GNAL: variants seen among roughly 807,000 people sequenced by gnomAD.
GNAL encodes guanine nucleotide-binding protein G(olf) subunit alpha.
GNAL carries 18 observed loss-of-function variants against 55.1 expected under a neutral mutation model. The observed-to-expected ratio is 0.33, with a 90% CI of 0.23 to 0.48. The LOEUF (loss-of-function observed/expected upper bound fraction) is 0.48, where lower values mean the gene tolerates loss of function less well. GNAL is among the 20% of genes least tolerant of loss of function. GNAL has a pLI of 0.99. For missense variants in GNAL, 412 were observed against 614.1 expected (o/e 0.67, Z 3.48); for synonymous variants, 253 against 237.0 (o/e 1.07, Z -0.62).
Position 11,823,083 on chromosome 18 carries a change from G to A in GNAL, c.625-1835G>A, listed in dbSNP as rs1312551220. ...GCAACTGGAAGACCCATCACCATGA[G>A]GCAGCGATGTCACTCTCTTCATGGC... On this transcript the variant is annotated intron_variant, in intron 4 of 11. Transcript: ENST00000334049. Among the ~76,000 whole-genome samples, 48 of 152,142 alleles carry A rather than the reference G, an allele frequency of 3.2e-4. 1 individual carries two copies. The highest frequency in any genetic ancestry group is 2.9e-3 in the Admixed American group (45 of 15,272).
rs749198189 is a variant in GNAL at position 11,705,750 on chromosome 18, CTT to C, written c.376+15831_376+15832del. Among the ~76,000 whole-genome samples the C allele has an allele frequency of 2.3e-3, 275 of 118,328 alleles. 1 individual carries two copies. Among genetic ancestry groups the C allele is most frequent in the African/African-American group, 7.9e-3 (251 of 31,894 alleles). The allele number at this position is 118,328 out of a possible 152,430, so 77.6% of individuals were successfully genotyped here. On this transcript the variant is annotated intron_variant, in intron 1 of 11. Transcript: ENST00000334049. ...ATATACCTGCTGGACATTTCTATGT[CTT>C]TTTTTTTTTTTTTTTTTTTCTGAGA...
Position 11,883,574 on chromosome 18 carries a change from A to T in GNAL, c.*2439A>T, listed in dbSNP as rs145375780. On this transcript the variant is annotated 3_prime_UTR_variant, in exon 12 of 12. Coordinates refer to ENST00000334049, the MANE Select transcript of GNAL (RefSeq NM_182978.4). ...TTTGATCACTGACAGGCATTAACAG[A>T]TGTAGCAACGTGGTCTCCTATAGAG... 3.7e-3 allele frequency: 565 copies of T among 153,766 alleles called. 3 individuals are homozygous for T. The highest frequency in any genetic ancestry group is 5.4e-3 in the Non-Finnish European group (366 of 68,032). 9.5% of individuals were successfully genotyped at this position (153,766 alleles called of 1,614,324 possible). A position where few individuals can be genotyped will look rare whatever the true frequency, so the allele number is the denominator to read the frequency against.
chr18:11,797,468 G>A (rs1454188512), intron 4 of GNAL, among the ~76,000 whole-genome samples: 1 of 152,110 alleles, frequency 6.6e-6, no homozygotes, highest in Non-Finnish European at 1.5e-5. Flanking sequence ...TCCACCAGGC[G>A]TGATGGCTCA....
chr18:11,717,269 C>T (rs1319021686), intron 1 of GNAL, among the ~76,000 whole-genome samples: 1 of 152,198 alleles, frequency 6.6e-6, no homozygotes, highest in Non-Finnish European at 1.5e-5. Context: ...CCCGGCACCT[C>T]TCCCTCCCCG....
At chr18:11,786,880 C>T (rs776810799) in intron 4 of GNAL, among the ~76,000 whole-genome samples, 20 of 152,062 alleles carry the variant, frequency 1.3e-4, no homozygotes, top group Non-Finnish European at 2.5e-4. Context: ...GTCTGCTTTA[C>T]CCCAGCCCTG....
intron 4 of GNAL, among the ~76,000 whole-genome samples, chr18:11,786,967 T>C (rs2034080226): frequency 1.3e-5 from 2 of 152,016 alleles, no homozygotes; most frequent in Admixed American, 6.6e-5. Flanking sequence ...TTTAAAATAA[T>C]CTCTGGCTGG....
At position 11,799,905 on chromosome 18, in the gene GNAL, C is replaced by T. The variant is rs535591568; in HGVS notation, c.625-25013C>T. Among the ~76,000 whole-genome samples the T allele has an allele frequency of 1.6e-4, 24 of 152,138 alleles. 1 individual carries two copies. The South Asian group carries it at 1.7e-3, about 11-fold the overall frequency. ...TGAGGCCTTCTCTCTCCCTCTCTCT[C>T]GCCCCTCACTCTTCACTGTCTTTCC... On this transcript the variant is annotated intron_variant, in intron 4 of 11. Coordinates refer to ENST00000334049, the MANE Select transcript of GNAL (RefSeq NM_182978.4).
At chr18:11,708,398 G>A (rs973762000) in intron 1 of GNAL, among the ~76,000 whole-genome samples, 2 of 152,132 alleles carry the variant, frequency 1.3e-5, no homozygotes, top group Non-Finnish European at 2.9e-5. Flanking sequence ...ACCATTTATC[G>A]ATTGAGTTTG....
Position 11,751,159 on chromosome 18 carries a change from A to C in GNAL, c.377-1694A>C, listed in dbSNP as rs1406476074. 6.6e-6 allele frequency among the ~76,000 whole-genome samples: 1 copy of C among 152,102 alleles called. No individual in the cohort carries two copies. Among genetic ancestry groups the C allele is most frequent in the African/African-American group, 2.4e-5 (1 of 41,412 alleles). The stretch of plus-strand genomic sequence containing the variant: ...GGTCAACTGGGAGCCGCCACACACA[A>C]GGAACAGTGATTTCTCCACGCCCAC... On this transcript the variant is annotated intron_variant, in intron 1 of 11. Transcript: ENST00000334049. This position sits in a 1 kb window ranked among gnomAD's most constrained non-coding sequence, Gnocchi z 4.5.
intron 1 of GNAL, among the ~76,000 whole-genome samples, chr18:11,701,704 GCACCCA>G (rs758892911): frequency 8.5e-5 from 13 of 152,088 alleles, no homozygotes; most frequent in Non-Finnish European, 1.9e-4. Context: ...GAACCCAGAA[GCACCCA>G]CAGCTCCCAG....
chr18:11,694,240 C>T (rs1374326179), intron 1 of GNAL, among the ~76,000 whole-genome samples: 1 of 152,092 alleles, frequency 6.6e-6, no homozygotes, highest in Non-Finnish European at 1.5e-5. Context: ...CCATAGTCCT[C>T]TAGTGGAAAT....
chr18:11,733,910 T>G (rs1456383572), intron 1 of GNAL, among the ~76,000 whole-genome samples: 1 of 150,316 alleles, frequency 6.7e-6, no homozygotes, highest in African/African-American at 2.4e-5. Flanking sequence ...CCAGAACTTG[T>G]GTGTGCGTGT....
At chr18:11,789,491 A>G (rs2034168783) in intron 4 of GNAL, among the ~76,000 whole-genome samples, 1 of 152,208 alleles carries the variant, frequency 6.6e-6, no homozygotes, top group African/African-American at 2.4e-5. Context: ...TTCTTAGCTC[A>G]TTTGGGTAAC....
intron 5 of GNAL, chr18:11,857,774 C>T: frequency 1.0e-6 from 1 of 978,684 alleles, no homozygotes; most frequent in Non-Finnish European, 1.2e-6. Context: ...CTGCCTGGTA[C>T]TTTGTCACCA....
Position 11,868,765 on chromosome 18 carries a change from C to A in GNAL, c.1031+102C>A. 2.2e-6 allele frequency: 2 copies of A among 918,496 alleles called. No individual in the cohort carries two copies. Among genetic ancestry groups the A allele is most frequent in the Non-Finnish European group, 3.3e-6 (2 of 612,122 alleles). 56.9% of individuals were successfully genotyped at this position (918,496 alleles called of 1,614,324 possible). A position where few individuals can be genotyped will look rare whatever the true frequency, so the allele number is the denominator to read the frequency against. ...TTGTGGCTCACACCTGTAATCTCAA[C>A]ACTGGGAGGCCGAGGCAGGTGTGTC... On this transcript the variant is annotated intron_variant, in intron 9 of 11. Transcript: ENST00000334049. This position sits in a 1 kb window ranked among gnomAD's most constrained non-coding sequence, Gnocchi z 4.0.
chr18:11,788,911 A>T (rs1598459248), intron 4 of GNAL, among the ~76,000 whole-genome samples: 1 of 105,604 alleles, frequency 9.5e-6, no homozygotes, highest in Non-Finnish European at 1.9e-5. Context: ...AAAAAAAAAA[A>T]AAAATATATA....
Position 11,876,647 on chromosome 18 carries a change from A to G in GNAL, c.1189A>G (p.Lys397Glu). 6.2e-7 allele frequency: 1 copy of G among 1,609,252 alleles called. No individual in the cohort carries two copies. The highest frequency in any genetic ancestry group is 8.5e-7 in the Non-Finnish European group (1 of 1,175,522). ...DATPDAGEDPKVTRAKFFIRD... is the reference protein window; with the variant it reads ...DATPDAGEDPEVTRAKFFIRD... ...AACACCAGATGCAGGAGAAGATCCC[A>G]AAGTTACAAGAGCCAAGTTCTTTAT... The change falls in exon 11 of 12, where the codon AAA (lysine) becomes GAA (glutamate). Residue 397 changes from lysine (K) to glutamate (E), a missense_variant. Physicochemically the swap from Lys to Glu is moderately conservative, Grantham distance 56. This residue lies in a region of GNAL where 79 missense variants were observed against 127.1 expected (regional missense o/e 0.62). Coordinates refer to ENST00000334049, the MANE Select transcript of GNAL (RefSeq NM_182978.4).
At chr18:11,782,163 A>G (rs2033938893) in intron 4 of GNAL, among the ~76,000 whole-genome samples, 1 of 152,122 alleles carries the variant, frequency 6.6e-6, no homozygotes, top group African/African-American at 2.4e-5. Context: ...CTAAAAATAC[A>G]AAAATTAGCT....
chr18:11,738,823 G>A lies in GNAL; in HGVS notation c.377-14030G>A, dbSNP rs140953972. ...TCCTTCCAGGCAGAATTGGAAAATT[G>A]TGTAGTATGAGTCCGTGCAGAGCGG... On this transcript the variant is annotated intron_variant, in intron 1 of 11. Coordinates refer to ENST00000334049, the MANE Select transcript of GNAL (RefSeq NM_182978.4). 5.2e-3 allele frequency among the ~76,000 whole-genome samples: 787 copies of A among 152,254 alleles called. 5 individuals carry two copies. Among genetic ancestry groups the A allele is most frequent in the African/African-American group, 0.018 (737 of 41,538 alleles).
Sources: allele counts gnomAD v4.1 joint callset (sites outside exome capture counted in the v4.1 genomes callset), GRCh38; gene constraint gnomAD v4.1.1; regional missense constraint gnomAD v4.1.1; non-coding constraint Gnocchi (gnomAD v3.1); transcripts MANE v1.5; gene names NCBI Gene and HGNC (gene_info 2026-07-23, HGNC 2026-07-21).